BBX: variants seen among roughly 807,000 people sequenced by gnomAD.
BBX encodes the protein HMG box transcription factor BBX.
Under a neutral mutation model 100.2 loss-of-function variants are expected in BBX, and 30 were observed. The observed-to-expected ratio is 0.30, with a 90% CI of 0.22 to 0.41. The LOEUF (loss-of-function observed/expected upper bound fraction) is 0.41, where lower values mean the gene tolerates loss of function less well. Ranked by LOEUF, BBX falls within the 10% of genes least tolerant of loss-of-function variation. The pLI, the probability that BBX is intolerant of heterozygous loss-of-function variation, is 1.00. For missense variants in BBX, 1,023 were observed against 1,129.8 expected (o/e 0.91, Z 1.35); for synonymous variants, 376 against 388.1 (o/e 0.97, Z 0.37).
chr3:107,674,782 C>T (rs2059198984), intron 3 of BBX: 1 of 152,628 alleles, frequency 6.6e-6, no homozygotes, highest in Admixed American at 6.5e-5. Context: ...TATCACTACA[C>T]TCCTCAGACT....
intron 3 of BBX, among the ~76,000 whole-genome samples, chr3:107,651,615 A>C (rs1363049115): frequency 6.6e-6 from 1 of 152,138 alleles, no homozygotes; most frequent in Non-Finnish European, 1.5e-5. Context: ...TACTTTGTGA[A>C]TCAGTTGAGA....
intron 5 of BBX, among the ~76,000 whole-genome samples, chr3:107,724,971 C>G (rs538203870): frequency 9.2e-5 from 14 of 152,088 alleles, no homozygotes; most frequent in East Asian, 5.8e-4. Flanking sequence ...TGATAGGGAT[C>G]GCATTGAATC....
At chr3:107,727,092 AC>A (rs377736032) in intron 5 of BBX, among the ~76,000 whole-genome samples, 7,262 of 149,990 alleles carry the variant, frequency 0.048, 280 homozygotes, top group Non-Finnish European at 0.061. Flanking sequence ...ATTTTAAACT[AC>A]CCCCCCCAAA....
At chr3:107,594,423 G>A (rs1316479007) in intron 2 of BBX, among the ~76,000 whole-genome samples, 2 of 152,100 alleles carry the variant, frequency 1.3e-5, no homozygotes, top group Non-Finnish European at 2.9e-5. Context: ...AGACCTAGCC[G>A]CCCCTCTAGC....
chr3:107,680,238 G>A (rs964323572), intron 3 of BBX, among the ~76,000 whole-genome samples: 8 of 152,114 alleles, frequency 5.3e-5, no homozygotes, highest in African/African-American at 1.7e-4. Flanking sequence ...GACCAAAGTC[G>A]AAGGATGGCA....
chr3:107,681,443 G>A (rs2059569092), intron 3 of BBX, among the ~76,000 whole-genome samples: 1 of 152,082 alleles, frequency 6.6e-6, no homozygotes, highest in Non-Finnish European at 1.5e-5. Context: ...AACCCTACAA[G>A]GAGTGTTTAG....
chr3:107,783,430 T>C (rs562975895), intron 13 of BBX, among the ~76,000 whole-genome samples: 27 of 152,228 alleles, frequency 1.8e-4, no homozygotes, highest in African/African-American at 6.3e-4. Flanking sequence ...GTCTTTAAAT[T>C]ACTTTTTAGA....
chr3:107,661,355 A>G (rs547870442), intron 3 of BBX, among the ~76,000 whole-genome samples: 4 of 152,256 alleles, frequency 2.6e-5, no homozygotes, highest in Admixed American at 2.0e-4. Flanking sequence ...GGGGGCCTCG[A>G]TTATCATTCA....
In BBX at chr3:107,728,755, TTATTTA is replaced by T; in HGVS notation, c.406-7_406-2del. 5 of 1,592,956 alleles carry T rather than the reference TTATTTA, an allele frequency of 3.1e-6. No homozygotes were observed. The South Asian group carries it at 5.7e-5, about 18-fold the overall frequency. ...TAATTAAAATCTGCTGTCTGTCGTT[TTATTTA>T]TAGTATAAGGATGCATTTATGAAAG... On this transcript the variant is annotated splice_polypyrimidine_tract_variant and splice_region_variant and intron_variant, in intron 5 of 17. Coordinates refer to ENST00000325805, the MANE Select transcript of BBX (RefSeq NM_001142568.3).
chr3:107,791,041 A>G (rs749200480), intron 14 of BBX, among the ~76,000 whole-genome samples, 199 bp from the exon 15 acceptor site: 4 of 152,184 alleles, frequency 2.6e-5, no homozygotes, highest in Non-Finnish European at 5.9e-5. Flanking sequence ...CAAAAATTTT[A>G]TTTTTAATCC....
At chr3:107,535,451 T>C (rs1436167052) in intron 2 of BBX, among the ~76,000 whole-genome samples, 1 of 152,140 alleles carries the variant, frequency 6.6e-6, no homozygotes, top group Non-Finnish European at 1.5e-5. Context: ...TTCTAGTTGG[T>C]ATATCTAGTA....
chr3:107,781,590 T>C (rs2067897346), intron 13 of BBX, among the ~76,000 whole-genome samples: 1 of 152,034 alleles, frequency 6.6e-6, no homozygotes. Flanking sequence ...GTTTTACACA[T>C]GTTTTTACAT....
chr3:107,551,852 A>G (rs1400933102), intron 2 of BBX, among the ~76,000 whole-genome samples: 2 of 152,192 alleles, frequency 1.3e-5, no homozygotes, highest in African/African-American at 2.4e-5. Context: ...AAATATTTTA[A>G]AATTCAGATT....
chr3:107,641,302 T>A (rs2057195238), intron 2 of BBX, among the ~76,000 whole-genome samples: 1 of 151,870 alleles, frequency 6.6e-6, no homozygotes, highest in African/African-American at 2.4e-5. Flanking sequence ...CTGGGCTGGT[T>A]TTGAACTATT....
At chr3:107,641,096 T>C (rs978551018) in intron 2 of BBX, among the ~76,000 whole-genome samples, 2 of 150,498 alleles carry the variant, frequency 1.3e-5, no homozygotes, top group African/African-American at 4.9e-5. Context: ...TCTTTTTTTT[T>C]TTTTTTGAGA....
intron 5 of BBX, among the ~76,000 whole-genome samples, chr3:107,718,289 TA>T (rs2107397183): frequency 8.4e-6 from 1 of 118,430 alleles, no homozygotes; most frequent in African/African-American, 2.6e-5. Flanking sequence ...TTGTTAATTA[TA>T]ATAGTATTAA....
chr3:107,697,439 C>T (rs535718558), intron 3 of BBX, among the ~76,000 whole-genome samples: 2 of 151,914 alleles, frequency 1.3e-5, no homozygotes, highest in South Asian at 4.2e-4. Flanking sequence ...AGCTGCAGGT[C>T]TGTTGGAGTA....
chr3:107,699,155 G>A (rs1186947815), intron 3 of BBX, among the ~76,000 whole-genome samples: 1 of 151,824 alleles, frequency 6.6e-6, no homozygotes, highest in Non-Finnish European at 1.5e-5. Flanking sequence ...GGTCATTTCA[G>A]TGTAGCCTAT....
intron 3 of BBX, among the ~76,000 whole-genome samples, chr3:107,669,113 T>C (rs2058896133): frequency 6.6e-6 from 1 of 152,030 alleles, no homozygotes; most frequent in South Asian, 2.1e-4. Context: ...ATGATGATGA[T>C]GATGATGATG....
Sources: gnomAD v4.1 joint callset for allele counts (sites outside exome capture counted in the v4.1 genomes callset) on GRCh38, gnomAD v4.1.1 for gene constraint, MANE v1.5 for transcripts, NCBI Gene and HGNC (gene_info 2026-07-23, HGNC 2026-07-21) for gene names.